The following PCDHA10 variants were observed in gnomAD, a reference collection of about 807,000 sequenced individuals.
PCDHA10 encodes protocadherin alpha 10.
PCDHA10 carries 45 observed loss-of-function variants against 61.2 expected under a neutral mutation model. The ratio of observed to expected loss-of-function variants is 0.74; its 90% confidence interval spans 0.58 to 0.94. PCDHA10 has a LOEUF of 0.94. Among genes scored for constraint, PCDHA10 ranks in the 40% least tolerant of loss-of-function variants. PCDHA10 has a pLI of 0.00. For synonymous variants in PCDHA10, 602 were observed against 548.8 expected, an observed-to-expected ratio of 1.10 and a Z score of -1.35; for missense variants, 1,278 against 1,236.2, an observed-to-expected ratio of 1.03 and a Z score of -0.51.
chr5:140,870,947 G>A lies in PCDHA10; in HGVS notation c.2388+12511G>A. ...TCATATGAATTGCAGCCGGCGGCGGGCGGCTCGCGCATCCCGTTCCGCGTG... is the reference window on the plus strand; with the variant it reads ...TCATATGAATTGCAGCCGGCGGCGGACGGCTCGCGCATCCCGTTCCGCGTG... On this transcript the variant is annotated intron_variant, in intron 1 of 3. Coordinates refer to ENST00000307360, the MANE Select transcript of PCDHA10 (RefSeq NM_018901.4). The A allele has an allele frequency of 6.2e-7, 1 of 1,613,700 alleles. No homozygotes were observed. Among genetic ancestry groups the A allele is most frequent in the Non-Finnish European group, 8.5e-7 (1 of 1,179,896 alleles).
intron 3 of PCDHA10, among the ~76,000 whole-genome samples, chr5:140,992,217 C>T (rs1281643880): frequency 6.6e-6 from 1 of 152,088 alleles, no homozygotes; most frequent in Non-Finnish European, 1.5e-5. Flanking sequence ...AACTACTCTC[C>T]CTTCCTGGGA....
chr5:140,869,522 T>A, intron 1 of PCDHA10: 1 of 1,614,172 alleles, frequency 6.2e-7, no homozygotes, highest in Non-Finnish European at 8.5e-7. Context: ...GAACAAAAGC[T>A]GCTGATTGCG....
chr5:140,863,699 T>C, intron 1 of PCDHA10: 1 of 299,368 alleles, frequency 3.3e-6, no homozygotes, highest in Non-Finnish European at 6.5e-6. Context: ...GATGCTTTAT[T>C]TAAAGTACAC....
At chr5:140,876,328 C>A in intron 1 of PCDHA10, 1 of 1,613,940 alleles carries the variant, frequency 6.2e-7, no homozygotes, top group Non-Finnish European at 8.5e-7. Flanking sequence ...AATGATTTTG[C>A]CAGTGAGTGA....
At position 140,856,012 on chromosome 5, in the gene PCDHA10, G is replaced by T; in HGVS notation, c.-37G>T. On this transcript the variant is annotated 5_prime_UTR_variant, in exon 1 of 4. Coordinates refer to ENST00000307360, the MANE Select transcript of PCDHA10 (RefSeq NM_018901.4). ...TCAGATCGTATGTGCGTTCTAGACC[G>T]CTGATTCGTCGATTTGTAAAACAAG... is the stretch of plus-strand genomic sequence containing the variant. 1 of 1,547,012 alleles carries T rather than the reference G, an allele frequency of 6.5e-7. No homozygotes were observed. Among genetic ancestry groups the T allele is most frequent in the Non-Finnish European group, 8.8e-7 (1 of 1,140,160 alleles).
chr5:140,993,133 C>T (rs2097542175), intron 3 of PCDHA10, among the ~76,000 whole-genome samples: 1 of 152,190 alleles, frequency 6.6e-6, no homozygotes, highest in East Asian at 1.9e-4. Context: ...CCTTCTGTTG[C>T]AACAAGTATA....
intron 1 of PCDHA10, chr5:140,883,108 AT>A (rs1261032162): frequency 6.2e-7 from 1 of 1,614,018 alleles, no homozygotes; most frequent in Non-Finnish European, 8.5e-7. Flanking sequence ...TAGTTTACTC[AT>A]TTAGAAGGCC....
At chr5:140,939,911 T>C (rs1554213037) in intron 1 of PCDHA10, among the ~76,000 whole-genome samples, 1 of 152,232 alleles carries the variant, frequency 6.6e-6, no homozygotes, top group African/African-American at 2.4e-5. Flanking sequence ...TTCTTTTTTA[T>C]TCTTTTTGTT....
At chr5:140,884,667 G>A (rs1304262646) in intron 1 of PCDHA10, 4 of 1,568,684 alleles carry the variant, frequency 2.5e-6, no homozygotes, top group Non-Finnish European at 2.6e-6. Context: ...AAAGAGGTAA[G>A]CTTATATTTT....
intron 1 of PCDHA10, chr5:140,883,045 A>G: frequency 1.2e-6 from 2 of 1,614,190 alleles, no homozygotes; most frequent in Non-Finnish European, 1.7e-6. Context: ...TCAATGGAAC[A>G]TTAGTGATCA....
chr5:140,876,094 C>T lies in PCDHA10; in HGVS notation c.2388+17658C>T, dbSNP rs782479233. 13 of 1,613,808 alleles carry T rather than the reference C, an allele frequency of 8.1e-6. No homozygotes were observed. In the Admixed American group the frequency reaches 1.5e-4, roughly 19 times the overall value. On this transcript the variant is annotated intron_variant, in intron 1 of 3. Transcript: ENST00000307360. ...ATTGGACAGAGAGCAAACGCCAAAA[C>T]TCAATTTATTGCTGATGGTAATCGA...
intron 1 of PCDHA10, among the ~76,000 whole-genome samples, chr5:140,925,941 GAGA>G (rs1554203013): frequency 7.2e-6 from 1 of 138,610 alleles, no homozygotes; most frequent in East Asian, 1.9e-4. Flanking sequence ...GAGCCTCTTG[GAGA>G]AGGAGAAACT....
chr5:140,923,986 G>A (rs1482099424), intron 1 of PCDHA10, among the ~76,000 whole-genome samples: 2 of 152,074 alleles, frequency 1.3e-5, no homozygotes, highest in African/African-American at 2.4e-5. Flanking sequence ...ATCCCTCTAG[G>A]TGCAGCTCAG....
intron 1 of PCDHA10, among the ~76,000 whole-genome samples, chr5:140,901,034 T>C (rs573919271): frequency 6.6e-6 from 1 of 152,240 alleles, no homozygotes; most frequent in Non-Finnish European, 1.5e-5. Context: ...TCAACTCTTT[T>C]GCCCATTTTA....
rs782295059 is a variant in PCDHA10 at position 140,883,240 on chromosome 5, C to A, written c.2388+24804C>A. The A allele has an allele frequency of 3.7e-6, 6 of 1,613,998 alleles. No homozygotes were observed. The Admixed American group carries it at 1.0e-4, about 27-fold the overall frequency. ...ATGAAATATCCGTGGAGGCAGTTGA[C>A]AAAGGAAATATTCCAATGGCGGGTC... On this transcript the variant is annotated intron_variant, in intron 1 of 3. Coordinates refer to ENST00000307360, the MANE Select transcript of PCDHA10 (RefSeq NM_018901.4).
At chr5:140,910,399 T>G (rs1461842314) in intron 1 of PCDHA10, among the ~76,000 whole-genome samples, 1 of 152,172 alleles carries the variant, frequency 6.6e-6, no homozygotes, top group East Asian at 1.9e-4. Context: ...GACTGGCCCC[T>G]GCCACCTCGA....
At chr5:140,876,760 G>A (rs2056562687) in intron 1 of PCDHA10, 4 of 1,614,234 alleles carry the variant, frequency 2.5e-6, no homozygotes, top group South Asian at 2.2e-5. Flanking sequence ...TGCGCGGGAT[G>A]GGGGCTCGCC....
rs782034471 is a variant in PCDHA10 at position 141,010,170 on chromosome 5, T to G, written c.*233T>G. ...TCCACTCTGGCTTGTTTTCAGAACCTAAAAAGCAGACCCAAGTTTCCTTTC... is the reference window on the plus strand; with the variant it reads ...TCCACTCTGGCTTGTTTTCAGAACCGAAAAAGCAGACCCAAGTTTCCTTTC... On this transcript the variant is annotated 3_prime_UTR_variant, in exon 4 of 4. Transcript: ENST00000307360. 6.4e-7 allele frequency: 1 copy of G among 1,559,590 alleles called. No individual in the cohort carries two copies.
chr5:140,856,423 T>G lies in PCDHA10; in HGVS notation c.375T>G (p.Ile125Met), dbSNP rs1266159746. ...VFHVDVEVKD[I>M]NDNPPRFSVT... ...ATGTGGACGTGGAAGTGAAGGACAT[T>G]AACGACAACCCGCCCAGGTTCTCCG... Residue 125 changes from isoleucine (I) to methionine (M), a missense_variant, in exon 1 of 4, where the codon ATT becomes ATG. Ile to Met is a conservative substitution (Grantham distance 10). Transcript: ENST00000307360. The G allele has an allele frequency of 6.3e-7, 1 of 1,598,178 alleles. No individual in the cohort carries two copies. Among genetic ancestry groups the G allele is most frequent in the East Asian group, 2.2e-5 (1 of 44,880 alleles).
Sources: gnomAD v4.1 joint callset for allele counts (sites outside exome capture counted in the v4.1 genomes callset) on GRCh38, gnomAD v4.1.1 for gene constraint, MANE v1.5 for transcripts, NCBI Gene and HGNC (gene_info 2026-07-23, HGNC 2026-07-21) for gene names.